Variants in MAP3K15 observed in about 807,000 individuals in gnomAD.
MAP3K15 encodes mitogen-activated protein kinase kinase kinase 15, also known as MAPK/ERK kinase kinase 15.
Under a neutral mutation model 99.5 loss-of-function variants are expected in MAP3K15, and 124 were observed. The ratio of observed to expected loss-of-function variants is 1.25; its 90% confidence interval spans 1.08 to 1.45. The LOEUF (loss-of-function observed/expected upper bound fraction) is 1.45. Among genes scored for constraint, MAP3K15 ranks in the 40% most tolerant of loss-of-function variants. MAP3K15 has a pLI of 0.00. For synonymous variants in MAP3K15, 494 were observed against 439.6 expected (o/e 1.12, Z -1.55); for missense variants, 1,242 against 1,079.7 (o/e 1.15, Z -2.11).
intron 15 of MAP3K15, among the ~76,000 whole-genome samples, chrX:19,397,997 G>A (rs1306951276): frequency 9.4e-6 from 1 of 106,008 alleles, no homozygotes; most frequent in East Asian, 3.0e-4. Context: ...CTGGGAGGCA[G>A]AGGTTGCAGT....
chrX:19,470,545 T>TC (rs1491269300), intron 3 of MAP3K15, among the ~76,000 whole-genome samples: 1 of 32,755 alleles, frequency 3.1e-5, no homozygotes, highest in Non-Finnish European at 8.7e-5. Context: ...AAAACTTAAA[T>TC]TAAAAAAAAA....
chrX:19,499,816 T>C (rs939826368), intron 1 of MAP3K15, among the ~76,000 whole-genome samples: 5 of 112,148 alleles, frequency 4.5e-5, no homozygotes, highest in Non-Finnish European at 9.4e-5. Context: ...GGGGACATGA[T>C]GGAACTTTCT....
intron 14 of MAP3K15, 72 bp from the exon 15 acceptor site, chrX:19,398,431 G>C: frequency 9.2e-7 from 1 of 1,088,282 alleles, no homozygotes. Flanking sequence ...GGCCCCCAGA[G>C]TTGTCTAGCA....
At chrX:19,422,468 C>G (rs7885155) in intron 9 of MAP3K15, among the ~76,000 whole-genome samples, 4,514 of 111,765 alleles carry the variant, frequency 0.04, 226 homozygotes, top group African/African-American at 0.14. Context: ...CAAACCAAAA[C>G]TACAATGAGA....
chrX:19,394,723 C>CA (rs781730799), intron 16 of MAP3K15, among the ~76,000 whole-genome samples: 1 of 99,669 alleles, frequency 1.0e-5, no homozygotes, highest in African/African-American at 3.7e-5. Flanking sequence ...ATCAACAAAC[C>CA]AGAAATAGAC....
At chrX:19,370,913 C>G in intron 24 of MAP3K15, 46 bp downstream of exon 24, 1 of 965,818 alleles carries the variant, frequency 1.0e-6, no homozygotes, top group Non-Finnish European at 1.5e-6. Context: ...TATTTCTTAT[C>G]TTTTCACGGC....
At chrX:19,494,285 ACT>A (rs1386946776) in intron 1 of MAP3K15, among the ~76,000 whole-genome samples, 1 of 110,795 alleles carries the variant, frequency 9.0e-6, no homozygotes, top group Non-Finnish European at 1.9e-5. Context: ...ACATAATGAG[ACT>A]CTGTCTTTTT....
rs772571807 is a variant in MAP3K15 at position 19,386,096 on chromosome X, A to G, written c.2432-5819T>C. On this transcript the variant is annotated intron_variant, in intron 18 of 28. Coordinates refer to ENST00000338883, the MANE Select transcript of MAP3K15 (RefSeq NM_001001671.4). Reference sequence around the variant, plus strand: ...AAGGCTGGATTCTGTCAAGAAAACCAAGTGAAGATGGCATTGTGGGGCATC... The same window carrying G: ...AAGGCTGGATTCTGTCAAGAAAACCGAGTGAAGATGGCATTGTGGGGCATC... 1.9e-3 allele frequency among the ~76,000 whole-genome samples: 216 copies of G among 112,147 alleles called. 2 individuals carry two copies. Among genetic ancestry groups the G allele is most frequent in the African/African-American group, 6.7e-3 (208 of 30,919 alleles).
At chrX:19,400,764 C>G in intron 13 of MAP3K15, 101 bp from the exon 14 acceptor site, 1 of 531,073 alleles carries the variant, frequency 1.9e-6, no homozygotes, top group Non-Finnish European at 3.1e-6. Context: ...ATAAACCAAA[C>G]TTTTACAAGT....
chrX:19,475,366 T>C (rs1257073825), intron 3 of MAP3K15, among the ~76,000 whole-genome samples: 1 of 111,256 alleles, frequency 9.0e-6, no homozygotes, highest in Non-Finnish European at 1.9e-5. Context: ...CAGATGAAGC[T>C]TTCCTCGCTC....
chrX:19,460,768 T>C (rs1170895549), intron 4 of MAP3K15, among the ~76,000 whole-genome samples: 1 of 110,128 alleles, frequency 9.1e-6, no homozygotes, highest in Non-Finnish European at 1.9e-5. Flanking sequence ...TTTGTTTTTT[T>C]TTTTTTATTT....
At chrX:19,422,239 A>G (rs1202827242) in intron 9 of MAP3K15, among the ~76,000 whole-genome samples, 10 of 111,303 alleles carry the variant, frequency 9.0e-5, no homozygotes, top group Admixed American at 5.7e-4. Context: ...CAGAGTGAAC[A>G]TGCAACCTAC....
At chrX:19,393,646 AAAG>A (rs1172009030) in intron 16 of MAP3K15, among the ~76,000 whole-genome samples, 3 of 110,596 alleles carry the variant, frequency 2.7e-5, no homozygotes, top group African/African-American at 9.9e-5. Context: ...TCAAAAAAAA[AAAG>A]AAAAAGCAGC....
chrX:19,486,349 C>T, intron 3 of MAP3K15, 133 bp downstream of exon 3: 1 of 274,732 alleles, frequency 3.6e-6, no homozygotes, highest in South Asian at 1.0e-4. Flanking sequence ...TTCTAGCTGT[C>T]CTCCTTAGAA....
At chrX:19,450,739 A>C (rs2064030739) in intron 6 of MAP3K15, among the ~76,000 whole-genome samples, 1 of 109,273 alleles carries the variant, frequency 9.2e-6, no homozygotes, top group Non-Finnish European at 1.9e-5. Flanking sequence ...GAGGGAACTG[A>C]AGAAGGAAAC....
At chrX:19,426,832 A>C (rs1187367307) in intron 7 of MAP3K15, among the ~76,000 whole-genome samples, 2 of 106,832 alleles carry the variant, frequency 1.9e-5, no homozygotes, top group Admixed American at 1.0e-4. Flanking sequence ...AAAAAAAAAA[A>C]AAAAAAAAAA....
At chrX:19,466,787 C>T (rs1007171981) in intron 3 of MAP3K15, 7 of 111,364 alleles carry the variant, frequency 6.3e-5, no homozygotes, top group Admixed American at 3.8e-4. Flanking sequence ...TTGTTATTTT[C>T]AAAAAGTTAA....
chrX:19,380,661 G>A (rs889570699), intron 18 of MAP3K15, among the ~76,000 whole-genome samples: 2 of 112,002 alleles, frequency 1.8e-5, no homozygotes, highest in African/African-American at 3.2e-5. Context: ...AAGTAGTTGG[G>A]ATTAGAGGCA....
intron 3 of MAP3K15, among the ~76,000 whole-genome samples, chrX:19,482,771 G>A (rs2064299830): frequency 9.0e-6 from 1 of 110,598 alleles, no homozygotes; most frequent in African/African-American, 3.3e-5. Flanking sequence ...CCTACATAAA[G>A]CATTTCAAAA....
Sources: allele counts gnomAD v4.1 joint callset (sites outside exome capture counted in the v4.1 genomes callset), GRCh38; gene constraint gnomAD v4.1.1; transcripts MANE v1.5; gene names NCBI Gene and HGNC (gene_info 2026-07-23, HGNC 2026-07-21).